The following SLC35F3 variants were observed in gnomAD, a reference collection of about 807,000 sequenced individuals.
SLC35F3 encodes solute carrier family 35 member F3, also known as putative thiamine transporter SLC35F3.
A neutral mutation model predicts 49.9 loss-of-function variants in SLC35F3; 25 were observed. The ratio of observed to expected loss-of-function variants is 0.50; its 90% CI spans 0.37 to 0.70. The LOEUF is 0.70. Ranked by LOEUF, SLC35F3 falls within the 30% of genes least tolerant of loss-of-function variation. The pLI is 0.00. For missense variants in SLC35F3, 525 were observed against 639.8 expected (o/e 0.82, Z 1.94); for synonymous variants, 275 against 265.4 (o/e 1.04, Z -0.35).
intron 2 of SLC35F3, among the ~76,000 whole-genome samples, chr1:233,947,433 T>G (rs1322029227): frequency 6.7e-6 from 1 of 149,462 alleles, no homozygotes; most frequent in Non-Finnish European, 1.5e-5. Flanking sequence ...AAAAGAGAAG[T>G]CTTAGTGGGC....
chr1:234,141,476 G>A (rs1279276953), intron 2 of SLC35F3, among the ~76,000 whole-genome samples: 2 of 152,108 alleles, frequency 1.3e-5, no homozygotes, highest in Admixed American at 6.5e-5. Context: ...ACATACACCT[G>A]TATGTAGACA....
chr1:234,017,570 C>G (rs1416071894), intron 2 of SLC35F3, among the ~76,000 whole-genome samples: 1 of 151,684 alleles, frequency 6.6e-6, no homozygotes, highest in Non-Finnish European at 1.5e-5. Flanking sequence ...AAAAATTAGC[C>G]TGGCACAGTG....
At chr1:234,295,976 T>C (rs1668586780) in intron 3 of SLC35F3, among the ~76,000 whole-genome samples, 1 of 152,264 alleles carries the variant, frequency 6.6e-6, no homozygotes, top group African/African-American at 2.4e-5. Flanking sequence ...GGATCATGTG[T>C]TATACAAATG....
rs562659875 is a variant in SLC35F3, at chr1:234,004,019, C to T, written c.283+98261C>T. On this transcript the variant is annotated intron_variant, in intron 2 of 7. Transcript: ENST00000366618. ...CTGATGGGAGAATAAATGACTGCAG[C>T]CACTAGGAAGGGCAATTTGATAGAA... 2.3e-4 allele frequency among the ~76,000 whole-genome samples: 35 copies of T among 152,202 alleles called. No homozygotes were observed. In the East Asian group the frequency reaches 6.8e-3, roughly 29 times the overall value.
At chr1:234,234,723 G>A (rs1667436014) in intron 3 of SLC35F3, among the ~76,000 whole-genome samples, 2 of 152,150 alleles carry the variant, frequency 1.3e-5, no homozygotes, top group Admixed American at 1.3e-4. Context: ...TCAAGCCCTG[G>A]TCCTCTGCCA....
Position 234,214,504 on chromosome 1 carries a change from G to A in SLC35F3, c.284-16913G>A. On this transcript the variant is annotated intron_variant, in intron 2 of 7. Transcript: ENST00000366618. The surrounding 1 kb of genome is among the most constrained non-coding windows in gnomAD (Gnocchi z 8.0). ...CTGCAGGCGGCCGGCTCATCATGAA[G>A]AAGCACTCGGCCCGGGTGGCCCCGC... is the stretch of plus-strand genomic sequence containing the variant. 1 of 1,538,942 alleles carries A rather than the reference G, an allele frequency of 6.5e-7. No individual in the cohort carries two copies. Among genetic ancestry groups the A allele is most frequent in the Non-Finnish European group, 8.7e-7 (1 of 1,144,468 alleles).
chr1:234,288,594 G>A (rs889824014), intron 3 of SLC35F3, among the ~76,000 whole-genome samples: 7 of 152,180 alleles, frequency 4.6e-5, no homozygotes, highest in Non-Finnish European at 8.8e-5. Flanking sequence ...GAAGGGTATG[G>A]CAAGAAAGAA....
intron 2 of SLC35F3, among the ~76,000 whole-genome samples, chr1:234,197,513 C>T (rs10910379): frequency 0.14 from 20,945 of 152,230 alleles, 3,652 homozygotes; most frequent in East Asian, 0.88. Flanking sequence ...GCTCATAAAA[C>T]ATTTATTGGA....
intron 2 of SLC35F3, among the ~76,000 whole-genome samples, chr1:234,139,974 TA>T (rs1218915567): frequency 2.2e-5 from 3 of 138,264 alleles, no homozygotes; most frequent in African/African-American, 5.2e-5. Flanking sequence ...TAAAATAAAA[TA>T]AAATAAAATA....
intron 2 of SLC35F3, among the ~76,000 whole-genome samples, chr1:234,167,653 A>G (rs758147708): frequency 1.3e-5 from 2 of 152,194 alleles, no homozygotes; most frequent in Non-Finnish European, 2.9e-5. Flanking sequence ...TTTGAAGCAG[A>G]TAGAGCAGCC....
chr1:234,279,506 G>A (rs1242157134), intron 3 of SLC35F3, among the ~76,000 whole-genome samples: 2 of 152,162 alleles, frequency 1.3e-5, no homozygotes, highest in East Asian at 3.9e-4. Context: ...TAGTCTGAGG[G>A]CCCAGAGAGT....
At chr1:234,256,508 A>G (rs926049508) in intron 3 of SLC35F3, among the ~76,000 whole-genome samples, 7 of 152,194 alleles carry the variant, frequency 4.6e-5, no homozygotes, top group Non-Finnish European at 1.0e-4. Context: ...AAAAGACTTC[A>G]TCAGTGATTT....
rs544692444 is a variant in SLC35F3 at position 234,288,788 on chromosome 1, T to C, written c.609-20313T>C. Among the ~76,000 whole-genome samples the C allele has an allele frequency of 3.3e-5, 5 of 152,348 alleles. No individual in the cohort carries two copies. In the South Asian group the frequency reaches 1.0e-3, roughly 32 times the overall value. On this transcript the variant is annotated intron_variant, in intron 3 of 7. Coordinates refer to ENST00000366618, the MANE Select transcript of SLC35F3 (RefSeq NM_173508.4). ...ATATGGCTCCATTATTGATAAATAG[T>C]GGAAGCAGGGTTCAAACCCTTGTCT...
intron 2 of SLC35F3, among the ~76,000 whole-genome samples, chr1:234,156,277 A>T (rs1034631876): frequency 6.6e-6 from 1 of 152,212 alleles, no homozygotes; most frequent in African/African-American, 2.4e-5. Context: ...AAAGTTGAAA[A>T]TCATACATTA....
At chr1:234,064,550 T>C (rs1376296635) in intron 2 of SLC35F3, among the ~76,000 whole-genome samples, 1 of 152,146 alleles carries the variant, frequency 6.6e-6, no homozygotes, top group Non-Finnish European at 1.5e-5. Context: ...CTGGAGATGC[T>C]ACCCCCAGGG....
Position 234,320,276 on chromosome 1 carries a change from A to G in SLC35F3, c.1237+89A>G. The stretch of plus-strand genomic sequence containing the variant: ...CACATACACACACTCATGCATACAT[A>G]CACACTCACACATACACTCACATAC... On this transcript the variant is annotated intron_variant, in intron 7 of 7. Transcript: ENST00000366618. This position sits in a 1 kb window ranked among gnomAD's most constrained non-coding sequence, Gnocchi z 4.8. 2 of 862,200 alleles carry G rather than the reference A, an allele frequency of 2.3e-6. No individual in the cohort carries two copies. The allele number at this position is 862,200 out of a possible 1,614,324, so 53.4% of individuals were successfully genotyped here.
intron 2 of SLC35F3, among the ~76,000 whole-genome samples, chr1:234,099,551 A>G (rs1204581115): frequency 1.4e-5 from 2 of 146,992 alleles, no homozygotes; most frequent in Non-Finnish European, 1.5e-5. Context: ...TGGACGTTGC[A>G]GTGAGCTGAG....
intron 2 of SLC35F3, among the ~76,000 whole-genome samples, chr1:234,157,827 C>T (rs1210474943): frequency 2.0e-5 from 3 of 152,124 alleles, no homozygotes; most frequent in African/African-American, 7.2e-5. Context: ...ATTTCTTCAC[C>T]AGAAATAACT....
At chr1:234,084,915 G>A (rs1226897701) in intron 2 of SLC35F3, among the ~76,000 whole-genome samples, 2 of 152,178 alleles carry the variant, frequency 1.3e-5, no homozygotes, top group Admixed American at 1.3e-4. Flanking sequence ...TGGATATTCT[G>A]CAGTCAGCCT....
Sources: gnomAD v4.1 joint callset for allele counts (sites outside exome capture counted in the v4.1 genomes callset) on GRCh38, gnomAD v4.1.1 for gene constraint, Gnocchi (gnomAD v3.1) non-coding constraint, MANE v1.5 for transcripts, NCBI Gene and HGNC (gene_info 2026-07-23, HGNC 2026-07-21) for gene names.